The following STK39 variants were observed in gnomAD, a reference collection of about 807,000 sequenced individuals.
STK39 encodes serine/threonine kinase 39.
In STK39, 20 loss-of-function variants were observed where a neutral mutation model predicts 77.8. That is an observed-to-expected ratio of 0.26 (90% CI 0.18 to 0.37). The LOEUF is 0.37. Among genes scored for constraint, STK39 ranks in the 10% least tolerant of loss-of-function variants. STK39 has a pLI of 1.00. For missense variants in STK39, 479 were observed against 656.5 expected, an observed-to-expected ratio of 0.73 and a Z score of 2.95; for synonymous variants, 246 against 234.1, an observed-to-expected ratio of 1.05 and a Z score of -0.47.
chr2:168,023,418 C>T (rs2044678), intron 14 of STK39, among the ~76,000 whole-genome samples: 97,168 of 151,944 alleles, frequency 0.64, 32,333 homozygotes, highest in Non-Finnish European at 0.74. Flanking sequence ...TAATGCAGAA[C>T]ACGAACGGAC....
intron 16 of STK39, among the ~76,000 whole-genome samples, chr2:167,992,126 C>T (rs1441929286): frequency 6.6e-6 from 1 of 152,086 alleles, no homozygotes; most frequent in Non-Finnish European, 1.5e-5. Flanking sequence ...TCTTCAGGGG[C>T]CTGGGAGATA....
intron 14 of STK39, among the ~76,000 whole-genome samples, chr2:168,033,844 A>G (rs1273634415): frequency 6.6e-6 from 1 of 152,128 alleles, no homozygotes; most frequent in Admixed American, 6.6e-5. Flanking sequence ...TTAACTTTCC[A>G]AGTCTTTCTC....
rs534874990 is a variant in STK39, at chr2:168,101,372, A to C, written c.1090-26141T>G. Reference sequence around the variant, plus strand: ...AAGTATAATAAAAAGAAAAAGAAAAAGCCTACATTTGAGAGCTTACTTGGT... The same window carrying C: ...AAGTATAATAAAAAGAAAAAGAAAACGCCTACATTTGAGAGCTTACTTGGT... On this transcript the variant is annotated intron_variant, in intron 10 of 17. Coordinates refer to ENST00000355999, the MANE Select transcript of STK39 (RefSeq NM_013233.3). Among the ~76,000 whole-genome samples, 8 of 152,258 alleles carry C rather than the reference A, an allele frequency of 5.3e-5. No homozygotes were observed. In the East Asian group the frequency reaches 1.2e-3, roughly 22 times the overall value.
At chr2:168,094,966 G>A (rs915437685) in intron 10 of STK39, among the ~76,000 whole-genome samples, 1 of 152,090 alleles carries the variant, frequency 6.6e-6, no homozygotes, top group African/African-American at 2.4e-5. Flanking sequence ...TCCCCCTTCT[G>A]TTTTGCCTTC....
intron 1 of STK39, among the ~76,000 whole-genome samples, chr2:168,198,762 A>G (rs1689538521): frequency 6.6e-6 from 1 of 152,254 alleles, no homozygotes; most frequent in Non-Finnish European, 1.5e-5. Flanking sequence ...TGCTATTGGC[A>G]AGAGTTCACA....
At chr2:167,965,272 A>G (rs1025060547) in intron 16 of STK39, among the ~76,000 whole-genome samples, 2 of 152,248 alleles carry the variant, frequency 1.3e-5, no homozygotes, top group African/African-American at 4.8e-5. Flanking sequence ...ACTCAAGCGC[A>G]TGTTTTAAGG....
At chr2:168,176,101 C>T (rs1225716899) in intron 2 of STK39, among the ~76,000 whole-genome samples, 1 of 152,080 alleles carries the variant, frequency 6.6e-6, no homozygotes, top group Non-Finnish European at 1.5e-5. Context: ...TTCTTAACTT[C>T]AAAAAGAATG....
intron 5 of STK39, among the ~76,000 whole-genome samples, chr2:168,153,902 G>C (rs558377300): frequency 6.6e-6 from 1 of 152,290 alleles, no homozygotes; most frequent in African/African-American, 2.4e-5. Flanking sequence ...GAAATGGCAA[G>C]GGGTTGGAGG....
At chr2:168,182,218 A>T in intron 1 of STK39, 128 bp from the exon 2 acceptor site, 1 of 641,712 alleles carries the variant, frequency 1.6e-6, no homozygotes, top group Non-Finnish European at 2.7e-6. Flanking sequence ...TTACCATTTG[A>T]CATCTTTTTT....
At position 168,233,202 on chromosome 2, in the gene STK39, C is replaced by T. The variant is rs1373473209; in HGVS notation, c.208+14026G>A. Among the ~76,000 whole-genome samples, 23 of 152,210 alleles carry T rather than the reference C, an allele frequency of 1.5e-4. 1 individual carries two copies. Among genetic ancestry groups the T allele is most frequent in the Admixed American group, 1.5e-3 (23 of 15,276 alleles). ...CTAGTCCTATTTCAGCCACCCGACT[C>T]CTCAGGAAAGGTGCCACATTAAAAA... On this transcript the variant is annotated intron_variant, in intron 1 of 17. Coordinates refer to ENST00000355999, the MANE Select transcript of STK39 (RefSeq NM_013233.3).
At chr2:168,221,051 G>C (rs1690156422) in intron 1 of STK39, among the ~76,000 whole-genome samples, 1 of 152,100 alleles carries the variant, frequency 6.6e-6, no homozygotes, top group Admixed American at 6.5e-5. Flanking sequence ...AAGTCATACT[G>C]AACTGCTGGT....
At chr2:168,078,877 C>T (rs908915640) in intron 10 of STK39, among the ~76,000 whole-genome samples, 1 of 152,148 alleles carries the variant, frequency 6.6e-6, no homozygotes, top group African/African-American at 2.4e-5. Flanking sequence ...TCAGCCTCTC[C>T]TCCACCTGCT....
At chr2:167,980,663 A>G (rs139659283) in intron 16 of STK39, among the ~76,000 whole-genome samples, 72 of 152,138 alleles carry the variant, frequency 4.7e-4, no homozygotes, top group African/African-American at 1.6e-3. Context: ...GTGGCCAGTC[A>G]TGTGGAGGAG....
At chr2:168,072,951 A>C (rs1425493942) in intron 12 of STK39, among the ~76,000 whole-genome samples, 1 of 152,236 alleles carries the variant, frequency 6.6e-6, no homozygotes, top group Non-Finnish European at 1.5e-5. Flanking sequence ...AAGTGTTTAC[A>C]TGCAAACACA....
intron 7 of STK39, among the ~76,000 whole-genome samples, chr2:168,139,640 A>G (rs965945687): frequency 6.6e-6 from 1 of 152,130 alleles, no homozygotes; most frequent in African/African-American, 2.4e-5. Context: ...ACAATCATAG[A>G]CCATACTCTA....
At chr2:167,996,519 T>C (rs1451794291) in intron 16 of STK39, among the ~76,000 whole-genome samples, 5 of 152,220 alleles carry the variant, frequency 3.3e-5, no homozygotes, top group African/African-American at 1.2e-4. Flanking sequence ...TAGCTTAGCG[T>C]CCAGCCCGCC....
At chr2:168,067,423 C>A (rs1225580926) in intron 12 of STK39, among the ~76,000 whole-genome samples, 2 of 152,184 alleles carry the variant, frequency 1.3e-5, no homozygotes, top group African/African-American at 2.4e-5. Context: ...CTCCTGCTTT[C>A]ACCAAATTAT....
chr2:168,163,886 T>C lies in STK39; in HGVS notation c.431-6A>G. ...TATGATATCCAACATTGAACCTAAG[T>C]AGACAAACAGAAGAATTAAAACATA... On this transcript the variant is annotated splice_region_variant and splice_polypyrimidine_tract_variant and intron_variant, in intron 3 of 17. Transcript: ENST00000355999. 1 of 1,611,644 alleles carries C rather than the reference T, an allele frequency of 6.2e-7. No homozygotes were observed. The highest frequency in any genetic ancestry group is 8.5e-7 in the Non-Finnish European group (1 of 1,179,130).
chr2:168,043,001 G>C (rs1685147465), intron 14 of STK39, among the ~76,000 whole-genome samples: 1 of 152,146 alleles, frequency 6.6e-6, no homozygotes, highest in African/African-American at 2.4e-5. Context: ...AGGGGCAGGA[G>C]GGGGAAGCTA....
Sources: gnomAD v4.1 joint callset for allele counts (sites outside exome capture counted in the v4.1 genomes callset) on GRCh38, gnomAD v4.1.1 for gene constraint, MANE v1.5 for transcripts, NCBI Gene and HGNC (gene_info 2026-07-23, HGNC 2026-07-21) for gene names.